The following ZNF679 variants were observed in gnomAD, a reference collection of about 807,000 sequenced individuals.
ZNF679 encodes the protein hypothetical protein MGC42415.
A neutral mutation model predicts 13.4 loss-of-function variants in ZNF679; 10 were observed. The observed-to-expected ratio is 0.75, with a 90% CI of 0.46 to 1.27. The LOEUF is 1.27. ZNF679 is among the 50% of genes most tolerant of loss of function. The pLI is 0.00. For missense variants in ZNF679, 525 were observed against 477.8 expected (o/e 1.10, Z -0.92); for synonymous variants, 179 against 162.5 (o/e 1.10, Z -0.77).
At chr7:64,239,910 T>C (rs1352274488) in intron 1 of ZNF679, among the ~76,000 whole-genome samples, 3 of 152,176 alleles carry the variant, frequency 2.0e-5, no homozygotes, top group Non-Finnish European at 4.4e-5. Context: ...CTGGGCCCAG[T>C]ACTGGGTGAA....
chr7:64,242,692 G>T (rs895892007), intron 1 of ZNF679, among the ~76,000 whole-genome samples: 20 of 152,172 alleles, frequency 1.3e-4, no homozygotes, highest in Admixed American at 1.3e-3. Flanking sequence ...TCAGTGTTGT[G>T]CTGGGCCCTA....
intron 2 of ZNF679, among the ~76,000 whole-genome samples, chr7:64,250,274 T>TG (rs1352245009): frequency 6.9e-6 from 1 of 144,806 alleles, no homozygotes; most frequent in Non-Finnish European, 1.5e-5. Flanking sequence ...GGTTTTTTTT[T>TG]TTTTTTTTTT....
intron 2 of ZNF679, among the ~76,000 whole-genome samples, chr7:64,253,016 C>T (rs553981975): frequency 1.3e-5 from 2 of 152,266 alleles, no homozygotes; most frequent in Admixed American, 1.3e-4. Context: ...CTGCTCCTGG[C>T]CCTGTTATCT....
At chr7:64,240,020 T>C (rs1787776785) in intron 1 of ZNF679, among the ~76,000 whole-genome samples, 1 of 152,174 alleles carries the variant, frequency 6.6e-6, no homozygotes, top group South Asian at 2.1e-4. Context: ...CTGGACACTT[T>C]CCACAAAAGG....
At chr7:64,239,646 G>A (rs1029372024) in intron 1 of ZNF679, among the ~76,000 whole-genome samples, 2 of 152,142 alleles carry the variant, frequency 1.3e-5, no homozygotes, top group Non-Finnish European at 2.9e-5. Context: ...TTTCCTGCCT[G>A]GACCCTGCCC....
In ZNF679 at chr7:64,231,635, C is replaced by T. The variant is rs61753909; in HGVS notation, c.-91+2983C>T. Among the ~76,000 whole-genome samples, 496 of 152,200 alleles carry T rather than the reference C, an allele frequency of 3.3e-3. 2 individuals are homozygous for T. The highest frequency in any genetic ancestry group is 0.01 in the African/African-American group (428 of 41,522). ...AGTCACATCTCCTAGGTGATGAACC[C>T]AGAGATCTGTCACAATGCCTTCTAT... On this transcript the variant is annotated intron_variant, in intron 1 of 4. Transcript: ENST00000421025.
At chr7:64,257,506 A>G (rs1389644279) in intron 2 of ZNF679, among the ~76,000 whole-genome samples, 3 of 152,236 alleles carry the variant, frequency 2.0e-5, no homozygotes, top group Non-Finnish European at 2.9e-5. Context: ...GCTAAAAATT[A>G]TTCAACACTT....
chr7:64,253,928 T>G (rs1443802222), intron 2 of ZNF679, among the ~76,000 whole-genome samples: 1 of 152,150 alleles, frequency 6.6e-6, no homozygotes, highest in East Asian at 1.9e-4. Flanking sequence ...AGTATTTTGT[T>G]TTGACCACTG....
intron 2 of ZNF679, among the ~76,000 whole-genome samples, chr7:64,252,667 T>C (rs1787957858): frequency 6.6e-6 from 1 of 152,230 alleles, no homozygotes; most frequent in South Asian, 2.1e-4. Context: ...GTGTCTCTTT[T>C]TGCAAAATTA....
chr7:64,255,010 A>G (rs1446385891), intron 2 of ZNF679, among the ~76,000 whole-genome samples: 1 of 150,290 alleles, frequency 6.7e-6, no homozygotes, highest in Non-Finnish European at 1.5e-5. Flanking sequence ...AAAAAAAAAA[A>G]AAAAAAAGAA....
intron 2 of ZNF679, among the ~76,000 whole-genome samples, chr7:64,255,315 T>TC (rs1787991220): frequency 6.6e-6 from 1 of 152,146 alleles, no homozygotes; most frequent in African/African-American, 2.4e-5. Flanking sequence ...TCCACACCCC[T>TC]CCCAGGACTA....
At chr7:64,249,623 T>C (rs1787916234) in intron 2 of ZNF679, among the ~76,000 whole-genome samples, 1 of 152,190 alleles carries the variant, frequency 6.6e-6, no homozygotes, top group Non-Finnish European at 1.5e-5. Flanking sequence ...AGTGCCCAGC[T>C]ATGGTTTGTG....
intron 4 of ZNF679, 45 bp downstream of exon 4, chr7:64,260,974 A>G (rs1042011444): frequency 6.4e-7 from 1 of 1,563,972 alleles, no homozygotes; most frequent in Non-Finnish European, 8.7e-7. Context: ...GAGAGGTGCA[A>G]AAGTCAAGGA....
rs1788145894 is a variant in ZNF679 at position 64,266,229 on chromosome 7, T to C, written c.596T>C (p.Leu199Pro). ...YGKSFCMVSQ[L>P]HQHQIIHTRE... ...AAATCATTTTGCATGGTTTCACAAC[T>C]ACATCAACATCAGATAATTCATACT... Residue 199 changes from leucine (L) to proline (P), a missense_variant, in exon 5 of 5, where the codon CTA becomes CCA. Leu to Pro is a moderately conservative substitution (Grantham distance 98). Transcript: ENST00000421025. 1.3e-6 allele frequency: 2 copies of C among 1,580,056 alleles called. No individual in the cohort carries two copies. Among genetic ancestry groups the C allele is most frequent in the Non-Finnish European group, 1.7e-6 (2 of 1,161,522 alleles).
chr7:64,254,620 G>A (rs1040296728), intron 2 of ZNF679, among the ~76,000 whole-genome samples: 2 of 152,068 alleles, frequency 1.3e-5, no homozygotes, highest in African/African-American at 2.4e-5. Flanking sequence ...GGGAGATTAT[G>A]GGAGTCCCCA....
chr7:64,239,794 C>T (rs915794717), intron 1 of ZNF679, among the ~76,000 whole-genome samples: 1 of 152,122 alleles, frequency 6.6e-6, no homozygotes, highest in Non-Finnish European at 1.5e-5. Flanking sequence ...CTGCCTAGGA[C>T]GTGTGCACAG....
chr7:64,258,121 G>A (rs1171848727), intron 2 of ZNF679, among the ~76,000 whole-genome samples: 1 of 152,038 alleles, frequency 6.6e-6, no homozygotes, highest in Non-Finnish European at 1.5e-5. Flanking sequence ...ATAGGGGAGG[G>A]CAGGGAAAAA....
chr7:64,231,866 G>T (rs899994922), intron 1 of ZNF679, among the ~76,000 whole-genome samples: 2 of 152,174 alleles, frequency 1.3e-5, no homozygotes, highest in Admixed American at 6.5e-5. Flanking sequence ...TGTCACAATC[G>T]CACTTGCAGA....
At chr7:64,232,680 G>A (rs1283428758) in intron 1 of ZNF679, among the ~76,000 whole-genome samples, 1 of 152,164 alleles carries the variant, frequency 6.6e-6, no homozygotes, top group African/African-American at 2.4e-5. Context: ...TTTGGGTGCT[G>A]GGCCCAGTGA....
Sources: gnomAD v4.1 joint callset for allele counts (sites outside exome capture counted in the v4.1 genomes callset) on GRCh38, gnomAD v4.1.1 for gene constraint, MANE v1.5 for transcripts, NCBI Gene and HGNC (gene_info 2026-07-23, HGNC 2026-07-21) for gene names.